Variants in SYNE2 observed in about 807,000 individuals in gnomAD.
SYNE2 encodes nesprin-2.
Under a neutral mutation model 856.3 loss-of-function variants are expected in SYNE2, and 431 were observed. The ratio of observed to expected loss-of-function variants is 0.50; its 90% CI spans 0.47 to 0.55. The LOEUF (loss-of-function observed/expected upper bound fraction) is 0.55. Ranked by LOEUF, SYNE2 falls within the 20% of genes least tolerant of loss-of-function variation. SYNE2 has a pLI of 0.00. For synonymous variants in SYNE2, 2,923 were observed against 2,872.3 expected, an observed-to-expected ratio of 1.02 and a Z score of -0.56; for missense variants, 8,129 against 8,023.2, an observed-to-expected ratio of 1.01 and a Z score of -0.50.
At position 64,052,652 on chromosome 14, in the gene SYNE2, GGAA is replaced by G; in HGVS notation, c.8742_8744del (p.Glu2914del). ...TGAATGTGTTTGAAAGATTATTTCT[GGAA>G]GATCAGTTGAAAAATCTTAAGATTA... is the stretch of plus-strand genomic sequence containing the variant. On this transcript the variant is annotated inframe_deletion, in exon 48 of 116. Transcript: ENST00000555002. The G allele has an allele frequency of 1.2e-6, 2 of 1,613,848 alleles. No homozygotes were observed. The highest frequency in any genetic ancestry group is 1.7e-6 in the Non-Finnish European group (2 of 1,179,938).
intron 14 of SYNE2, 85 bp downstream of exon 14, chr14:63,979,099 A>G: frequency 2.9e-6 from 4 of 1,401,186 alleles, no homozygotes; most frequent in Non-Finnish European, 4.0e-6. Flanking sequence ...ATTTCCCATT[A>G]ACTCTTCGGG....
intron 1 of SYNE2, among the ~76,000 whole-genome samples, chr14:63,900,548 CA>C (rs2153320685): frequency 6.6e-6 from 1 of 152,282 alleles, no homozygotes; most frequent in South Asian, 2.1e-4. Context: ...AATCACCCCC[CA>C]CTAGGTTCCT....
chr14:63,828,721 AC>A (rs1889556398), intron 1 of SYNE2, among the ~76,000 whole-genome samples: 1 of 151,874 alleles, frequency 6.6e-6, no homozygotes, highest in African/African-American at 2.4e-5. Flanking sequence ...ACAGAGTGAG[AC>A]TCCATCTCAA....
intron 51 of SYNE2, among the ~76,000 whole-genome samples, chr14:64,069,258 A>C (rs1158707430): frequency 6.7e-6 from 1 of 149,110 alleles, no homozygotes. Context: ...CTTTATTTGC[A>C]TGCTAGTTTC....
At position 64,003,308 on chromosome 14, in the gene SYNE2, A is replaced by T. The variant is rs1482814444; in HGVS notation, c.4375A>T (p.Thr1459Ser). The part of the protein sequence containing the change: ...QISKIGLKDP[T>S]VPAVKHRKKS... ...CAGTAAAATTGGTCTTAAGGATCCT[A>T]CTGTTCCAGCTGTGAAACATCGGTA... Residue 1459 changes from threonine (T) to serine (S), a missense_variant, in exon 30 of 116, where the codon ACT becomes TCT. By Grantham distance (58) the Thr-to-Ser change is moderately conservative. Around this residue, in one of 3 missense-constraint regions of SYNE2, gnomAD observed 2,422 missense variants for 2,357.4 expected, o/e 1.03. Transcript: ENST00000555002. 1 of 1,613,992 alleles carries T rather than the reference A, an allele frequency of 6.2e-7. No individual in the cohort carries two copies. Among genetic ancestry groups the T allele is most frequent in the African/African-American group, 1.3e-5 (1 of 74,932 alleles).
At chr14:63,899,676 A>G (rs1029997131) in intron 1 of SYNE2, among the ~76,000 whole-genome samples, 11 of 151,880 alleles carry the variant, frequency 7.2e-5, no homozygotes, top group African/African-American at 2.7e-4. Context: ...TAATTTTTGT[A>G]TTTTTTGTAA....
chr14:64,224,389 A>T, intron 113 of SYNE2, 72 bp from the exon 114 acceptor site: 1 of 1,181,824 alleles, frequency 8.5e-7, no homozygotes, highest in Non-Finnish European at 1.2e-6. Context: ...AAGGTAGGGG[A>T]GGGTGAGCTA....
intron 57 of SYNE2, chr14:64,084,570 C>T (rs1006872838): frequency 1.6e-5 from 3 of 183,702 alleles, no homozygotes; most frequent in East Asian, 2.8e-4. Flanking sequence ...GGTTGTTACA[C>T]TTAATGCATA....
At chr14:63,907,980 A>G in intron 1 of SYNE2, among the ~76,000 whole-genome samples, 1 of 152,198 alleles carries the variant, frequency 6.6e-6, no homozygotes, top group East Asian at 1.9e-4. Context: ...AGAGCTAATA[A>G]AAGGGATATG....
At chr14:63,793,761 G>GCCC (rs148890187) in intron 1 of SYNE2, among the ~76,000 whole-genome samples, 3 of 148,100 alleles carry the variant, frequency 2.0e-5, no homozygotes, top group South Asian at 4.4e-4. Flanking sequence ...ACAAAATGAG[G>GCCC]CCCCCCCCCA....
chr14:63,837,895 G>T (rs1418923107), intron 1 of SYNE2, among the ~76,000 whole-genome samples: 1 of 116,726 alleles, frequency 8.6e-6, no homozygotes, highest in Non-Finnish European at 1.6e-5. Context: ...CTCCAGGCTG[G>T]ATGACAAAGT....
At chr14:64,210,508 C>G (rs1199704333) in intron 103 of SYNE2, among the ~76,000 whole-genome samples, 3 of 152,110 alleles carry the variant, frequency 2.0e-5, no homozygotes, top group East Asian at 1.9e-4. Flanking sequence ...TTTATGGGAC[C>G]CCCCCCAGCT....
At chr14:63,804,157 C>T (rs971667685) in intron 1 of SYNE2, among the ~76,000 whole-genome samples, 5 of 152,320 alleles carry the variant, frequency 3.3e-5, no homozygotes, top group African/African-American at 1.2e-4. Context: ...ATTACCCAGT[C>T]TCAGGTAGTT....
chr14:63,916,580 C>T (rs1281092655), intron 2 of SYNE2, among the ~76,000 whole-genome samples: 1 of 152,164 alleles, frequency 6.6e-6, no homozygotes, highest in East Asian at 1.9e-4. Context: ...CTATGAAGTA[C>T]CCCAAATTAG....
intron 63 of SYNE2, among the ~76,000 whole-genome samples, chr14:64,101,067 A>C (rs2097724941): frequency 6.6e-6 from 1 of 152,154 alleles, no homozygotes; most frequent in South Asian, 2.1e-4. Context: ...GTGGACACTT[A>C]GGTTAATTCC....
intron 45 of SYNE2, among the ~76,000 whole-genome samples, chr14:64,036,339 T>G (rs1017148342): frequency 1.3e-4 from 20 of 152,122 alleles, no homozygotes; most frequent in Non-Finnish European, 2.8e-4. Flanking sequence ...CAGGCTGGAG[T>G]GCAGTGGCGC....
chr14:64,107,115 A>G (rs938127341), intron 64 of SYNE2, among the ~76,000 whole-genome samples: 5 of 152,200 alleles, frequency 3.3e-5, no homozygotes, highest in African/African-American at 7.2e-5. Flanking sequence ...TTGGTCTTCC[A>G]AAGTGCTGGG....
intron 84 of SYNE2, 89 bp downstream of exon 84, chr14:64,146,312 T>C: frequency 8.1e-7 from 1 of 1,236,604 alleles, no homozygotes; most frequent in South Asian, 1.9e-5. Context: ...CTGTAGTTTG[T>C]GGAAACTCTC....
chr14:64,168,815 G>A, intron 92 of SYNE2, 62 bp from the exon 93 acceptor site: 2 of 1,113,996 alleles, frequency 1.8e-6, no homozygotes, highest in Admixed American at 3.4e-5. Flanking sequence ...AGGAAATGTA[G>A]GTTCCGAGAT....
Sources: allele counts gnomAD v4.1 joint callset (sites outside exome capture counted in the v4.1 genomes callset), GRCh38; gene constraint gnomAD v4.1.1; regional missense constraint gnomAD v4.1.1; transcripts MANE v1.5; gene names NCBI Gene and HGNC (gene_info 2026-07-23, HGNC 2026-07-21).